The following TAFA2 variants were observed in gnomAD, a reference collection of about 807,000 sequenced individuals.
TAFA2 encodes chemokine-like protein TAFA-2.
Under a neutral mutation model 18.8 loss-of-function variants are expected in TAFA2, and 7 were observed. The observed-to-expected ratio is 0.37, with a 90% CI of 0.21 to 0.70. The LOEUF (loss-of-function observed/expected upper bound fraction) is 0.70. Ranked by LOEUF, TAFA2 falls within the 30% of genes least tolerant of loss-of-function variation. The probability of loss-of-function intolerance (pLI) is 0.53; values close to 1 mark genes in which losing one functional copy is unlikely to be tolerated. For synonymous variants in TAFA2, 60 were observed against 54.2 expected (o/e 1.11, Z -0.47); for missense variants, 122 against 158.1 (o/e 0.77, Z 1.23).
intron 1 of TAFA2, among the ~76,000 whole-genome samples, chr12:62,241,759 C>T (rs759618947): frequency 1.3e-5 from 2 of 152,160 alleles, no homozygotes; most frequent in African/African-American, 4.8e-5. Flanking sequence ...TTAATACTGA[C>T]CTGCCACTGA....
At chr12:61,992,419 C>T (rs1464493601) in intron 1 of TAFA2, among the ~76,000 whole-genome samples, 1 of 152,152 alleles carries the variant, frequency 6.6e-6, no homozygotes, top group Non-Finnish European at 1.5e-5. Context: ...ATACATCTAA[C>T]CAATTTTCAC....
intron 1 of TAFA2, among the ~76,000 whole-genome samples, chr12:62,001,777 G>A (rs1880385775): frequency 6.6e-6 from 1 of 151,912 alleles, no homozygotes; most frequent in Non-Finnish European, 1.5e-5. Flanking sequence ...AATATATAAT[G>A]ATTCACATTA....
intron 1 of TAFA2, among the ~76,000 whole-genome samples, chr12:61,961,712 G>A (rs74770451): frequency 0.068 from 10,355 of 151,992 alleles, 464 homozygotes; most frequent in Non-Finnish European, 0.1. Context: ...CCTTCTCTAT[G>A]TAGTAAGGTA....
chr12:61,969,130 A>G (rs965223884), intron 1 of TAFA2, among the ~76,000 whole-genome samples: 3 of 151,754 alleles, frequency 2.0e-5, no homozygotes, highest in African/African-American at 7.2e-5. Flanking sequence ...TATCATTATG[A>G]CATTGGAGCA....
intron 2 of TAFA2, among the ~76,000 whole-genome samples, chr12:61,860,882 C>G (rs1045131889): frequency 1.3e-5 from 2 of 152,168 alleles, no homozygotes; most frequent in Admixed American, 1.3e-4. Context: ...GTGTTATTAT[C>G]TGATTAATGT....
intron 1 of TAFA2, among the ~76,000 whole-genome samples, chr12:62,201,971 G>A (rs1035372414): frequency 9.2e-5 from 14 of 152,210 alleles, no homozygotes; most frequent in African/African-American, 3.4e-4. Context: ...GTCTTCAGAG[G>A]TTGTATGTGT....
chr12:61,753,239 G>T (rs148454439), intron 4 of TAFA2, among the ~76,000 whole-genome samples: 1,617 of 151,976 alleles, frequency 0.011, 29 homozygotes, highest in African/African-American at 0.038. Context: ...TGTATTAAAA[G>T]TAATATATAA....
intron 1 of TAFA2, among the ~76,000 whole-genome samples, chr12:62,254,723 G>A (rs918156485): frequency 1.3e-5 from 2 of 152,194 alleles, no homozygotes; most frequent in Non-Finnish European, 2.9e-5. Flanking sequence ...GTGGTCTATA[G>A]TGTCCTGTTG....
intron 1 of TAFA2, among the ~76,000 whole-genome samples, chr12:62,105,366 G>A (rs1175303451): frequency 6.6e-6 from 1 of 152,150 alleles, no homozygotes; most frequent in Non-Finnish European, 1.5e-5. Context: ...TTGTTTTCCT[G>A]CCTGTTTCTG....
chr12:61,741,751 A>G (rs943822485), intron 4 of TAFA2, among the ~76,000 whole-genome samples: 4 of 152,122 alleles, frequency 2.6e-5, no homozygotes, highest in Non-Finnish European at 5.9e-5. Flanking sequence ...AAAGAGTCAT[A>G]ATTTTTAAAA....
intron 4 of TAFA2, among the ~76,000 whole-genome samples, chr12:61,728,948 C>T (rs1051781206): frequency 6.6e-6 from 1 of 151,952 alleles, no homozygotes; most frequent in African/African-American, 2.4e-5. Flanking sequence ...GTAGCAAATT[C>T]TCTCAGCATT....
At chr12:61,967,055 G>A (rs750867315) in intron 1 of TAFA2, among the ~76,000 whole-genome samples, 6 of 151,788 alleles carry the variant, frequency 4.0e-5, no homozygotes, top group Non-Finnish European at 7.4e-5. Context: ...ATTTTTAATT[G>A]CTCTAAATTA....
At chr12:61,946,099 C>G (rs1464889550) in intron 1 of TAFA2, among the ~76,000 whole-genome samples, 4 of 145,062 alleles carry the variant, frequency 2.8e-5, no homozygotes, top group African/African-American at 1.0e-4. Context: ...GTACTGGTAC[C>G]AAAACAGAGA....
chr12:61,768,946 G>A (rs529048327), intron 2 of TAFA2, among the ~76,000 whole-genome samples: 1 of 151,990 alleles, frequency 6.6e-6, no homozygotes, highest in East Asian at 2.0e-4. Flanking sequence ...TGTATCCTGG[G>A]GCACCTTCTC....
chr12:61,995,093 C>T (rs1880140534), intron 1 of TAFA2, among the ~76,000 whole-genome samples: 1 of 152,200 alleles, frequency 6.6e-6, no homozygotes, highest in Admixed American at 6.5e-5. Context: ...CTCTCAGAGG[C>T]TTCCCATATC....
chr12:61,775,821 T>C (rs1449442835), intron 2 of TAFA2: 1 of 166,400 alleles, frequency 6.0e-6, no homozygotes, highest in African/African-American at 2.4e-5. Flanking sequence ...AAGCCGAAAG[T>C]CTCAGTACCT....
At chr12:62,236,012 A>C (rs975379034) in intron 1 of TAFA2, among the ~76,000 whole-genome samples, 7 of 151,856 alleles carry the variant, frequency 4.6e-5, no homozygotes, top group Non-Finnish European at 1.0e-4. Flanking sequence ...ATGAAGGAAA[A>C]CCTAAAAGTC....
At chr12:61,753,136 A>G (rs913011779) in intron 4 of TAFA2, among the ~76,000 whole-genome samples, 1 of 152,044 alleles carries the variant, frequency 6.6e-6, no homozygotes, top group Non-Finnish European at 1.5e-5. Context: ...ATAATTGTAA[A>G]TCTTAACCAC....
At chr12:61,888,145 G>T (rs1875471812) in intron 1 of TAFA2, among the ~76,000 whole-genome samples, 2 of 152,090 alleles carry the variant, frequency 1.3e-5, no homozygotes, top group South Asian at 4.2e-4. Flanking sequence ...CTGTAAACTA[G>T]TTCAACCATT....
Sources: allele counts gnomAD v4.1 joint callset (sites outside exome capture counted in the v4.1 genomes callset), GRCh38; gene constraint gnomAD v4.1.1; transcripts MANE v1.5; gene names NCBI Gene and HGNC (gene_info 2026-07-23, HGNC 2026-07-21).